CDH22: variants seen among roughly 807,000 people sequenced by gnomAD.
The protein encoded by CDH22 is cadherin-22.
Under a neutral mutation model 58.4 loss-of-function variants are expected in CDH22, and 30 were observed. That is an observed-to-expected ratio of 0.51 (90% CI 0.38 to 0.70). The LOEUF (loss-of-function observed/expected upper bound fraction) is 0.70. Among genes scored for constraint, CDH22 ranks in the 30% least tolerant of loss-of-function variants. CDH22 has a pLI of 0.00. For missense variants in CDH22, 1,014 were observed against 1,233.9 expected (o/e 0.82, Z 2.67); for synonymous variants, 513 against 558.2 (o/e 0.92, Z 1.14).
In CDH22 at chr20:46,200,148, T is replaced by C. The variant is rs1012542071; in HGVS notation, c.1287-589A>G. 5.3e-5 allele frequency among the ~76,000 whole-genome samples: 8 copies of C among 151,338 alleles called. No homozygotes were observed. In the East Asian group the frequency reaches 1.6e-3, roughly 30 times the overall value. ...GCCACCACGCCCGGCTAATTTTTTG[T>C]ATTTTTCAGTAGAGACGGGGTTTCA... On this transcript the variant is annotated intron_variant, in intron 7 of 11. Coordinates refer to ENST00000537909, the MANE Select transcript of CDH22 (RefSeq NM_021248.3).
Position 46,178,285 on chromosome 20 carries a change from T to A in CDH22, c.1664-88A>T. Reference sequence around the variant, plus strand: ...CACCTCCTGATTGCATCGTGAGATTTGCCTCCCTATGCCCCAAACTACAGC... The same window carrying A: ...CACCTCCTGATTGCATCGTGAGATTAGCCTCCCTATGCCCCAAACTACAGC... On this transcript the variant is annotated intron_variant, in intron 10 of 11. Transcript: ENST00000537909. 3 of 1,415,184 alleles carry A rather than the reference T, an allele frequency of 2.1e-6. No homozygotes were observed. In the Admixed American group the frequency reaches 5.6e-5, roughly 27 times the overall value. The allele number at this position is 1,415,184 out of a possible 1,614,324, so 87.7% of individuals were successfully genotyped here.
intron 1 of CDH22, among the ~76,000 whole-genome samples, chr20:46,274,159 T>C (rs1358627690): frequency 6.6e-6 from 1 of 152,236 alleles, no homozygotes; most frequent in East Asian, 1.9e-4. Flanking sequence ...CAGTCATGCC[T>C]GATGCTGATT....
intron 1 of CDH22, among the ~76,000 whole-genome samples, chr20:46,305,642 C>T (rs2086672077): frequency 6.6e-6 from 1 of 152,250 alleles, no homozygotes; most frequent in Non-Finnish European, 1.5e-5. Flanking sequence ...CACTCTCTCT[C>T]ACTCTACCTG....
intron 1 of CDH22, among the ~76,000 whole-genome samples, chr20:46,262,449 C>T (rs2086438065): frequency 6.6e-6 from 1 of 152,160 alleles, no homozygotes; most frequent in African/African-American, 2.4e-5. Context: ...CCGCACAGGT[C>T]TTCATGAAGC....
At chr20:46,253,615 C>T (rs527377954) in intron 1 of CDH22, among the ~76,000 whole-genome samples, 28 of 152,306 alleles carry the variant, frequency 1.8e-4, no homozygotes, top group African/African-American at 6.7e-4. Flanking sequence ...TCCAGGGATC[C>T]GGCTTTGATT....
chr20:46,216,637 T>G lies in CDH22; in HGVS notation c.838+189A>C, dbSNP rs1250700233. On this transcript the variant is annotated intron_variant, in intron 5 of 11. Coordinates refer to ENST00000537909, the MANE Select transcript of CDH22 (RefSeq NM_021248.3). The surrounding 1 kb of genome is among the most constrained non-coding windows in gnomAD (Gnocchi z 5.3). ...CGGACAGCCCTGGGGTCTTCCTTGG[T>G]AGGAAGCATGGTTGGAGGGGGGCTG... 1.3e-5 allele frequency among the ~76,000 whole-genome samples: 2 copies of G among 151,812 alleles called. No individual in the cohort carries two copies. Among genetic ancestry groups the G allele is most frequent in the Non-Finnish European group, 2.9e-5 (2 of 67,884 alleles).
intron 10 of CDH22, among the ~76,000 whole-genome samples, chr20:46,178,710 G>C (rs2085761934): frequency 6.7e-6 from 1 of 148,542 alleles, no homozygotes; most frequent in Non-Finnish European, 1.5e-5. Flanking sequence ...GTGGTTTGTT[G>C]GGCCCTGACA....
In CDH22 at chr20:46,226,282, TCTTCTTC is replaced by T. The variant is rs1278300502; in HGVS notation, c.670+1219_670+1225del. ...TTCTTCTTCTTCTTCTTCTTCTTCT[TCTTCTTC>T]TTCTTTTTTTTTTTGAGACAGGGTC... On this transcript the variant is annotated intron_variant, in intron 4 of 11. Coordinates refer to ENST00000537909, the MANE Select transcript of CDH22 (RefSeq NM_021248.3). Among the ~76,000 whole-genome samples, 15 of 2,612 alleles carry T rather than the reference TCTTCTTC, an allele frequency of 5.7e-3. 1 individual carries two copies. Among genetic ancestry groups the T allele is most frequent in the African/African-American group, 0.024 (12 of 494 alleles). 1.7% of individuals were successfully genotyped at this position (2,612 alleles called of 152,430 possible).
chr20:46,270,263 G>A (rs1423537956), intron 1 of CDH22, among the ~76,000 whole-genome samples: 1 of 152,168 alleles, frequency 6.6e-6, no homozygotes, highest in African/African-American at 2.4e-5. Context: ...GATGGGGAAG[G>A]AGAGAGGGAG....
At chr20:46,186,554 C>G (rs1001016309) in intron 10 of CDH22, 34 bp downstream of exon 10, 4 of 1,474,330 alleles carry the variant, frequency 2.7e-6, no homozygotes. Context: ...GACTGTGCCC[C>G]TCCCTTCTTG....
chr20:46,234,885 A>C (rs974185583), intron 3 of CDH22, among the ~76,000 whole-genome samples: 1 of 152,234 alleles, frequency 6.6e-6, no homozygotes, highest in African/African-American at 2.4e-5. Flanking sequence ...CTACATACCT[A>C]GCAAAGTGCT....
At chr20:46,283,331 T>A (rs1428155022) in intron 1 of CDH22, among the ~76,000 whole-genome samples, 1 of 152,156 alleles carries the variant, frequency 6.6e-6, no homozygotes, top group Non-Finnish European at 1.5e-5. Context: ...CAGACTCAGA[T>A]TCCGATTCCA....
chr20:46,206,213 A>G (rs1263206796), intron 7 of CDH22, among the ~76,000 whole-genome samples: 2 of 152,188 alleles, frequency 1.3e-5, no homozygotes, highest in African/African-American at 4.8e-5. Context: ...CAGGAGTGAA[A>G]TGGCCAAAGG....
intron 7 of CDH22, among the ~76,000 whole-genome samples, chr20:46,204,393 C>CAAAAAA (rs3092239): frequency 2.6e-5 from 2 of 77,278 alleles, no homozygotes; most frequent in African/African-American, 5.4e-5. Flanking sequence ...GACTCTGTCT[C>CAAAAAA]AAAAAAAAAA....
At chr20:46,301,245 A>G (rs1293018114) in intron 1 of CDH22, among the ~76,000 whole-genome samples, 1 of 151,930 alleles carries the variant, frequency 6.6e-6, no homozygotes, top group African/African-American at 2.4e-5. Flanking sequence ...AGAGAGAATC[A>G]CTCTGTATTA....
intron 7 of CDH22, among the ~76,000 whole-genome samples, chr20:46,200,416 C>G (rs924527986): frequency 6.6e-6 from 1 of 151,420 alleles, no homozygotes; most frequent in Non-Finnish European, 1.5e-5. Flanking sequence ...GTAGCTGGGA[C>G]TGCAGGTGCG....
intron 10 of CDH22, among the ~76,000 whole-genome samples, chr20:46,181,745 TTCC>T (rs2085787552): frequency 4.2e-5 from 4 of 95,494 alleles, no homozygotes; most frequent in Non-Finnish European, 6.6e-5. Flanking sequence ...CCTTCCTTCC[TTCC>T]TTCCTTCTTT....
chr20:46,243,392 A>G (rs1185005522), intron 2 of CDH22, among the ~76,000 whole-genome samples: 1 of 152,120 alleles, frequency 6.6e-6, no homozygotes, highest in Non-Finnish European at 1.5e-5. Context: ...AATTGCGGGG[A>G]CTAAATGGAG....
intron 2 of CDH22, among the ~76,000 whole-genome samples, chr20:46,246,733 C>T (rs955984294): frequency 6.6e-6 from 1 of 152,064 alleles, no homozygotes; most frequent in Admixed American, 6.5e-5. Flanking sequence ...AATAGGTTAC[C>T]GTCGGGCGCC....
Sources: gnomAD v4.1 joint callset for allele counts (sites outside exome capture counted in the v4.1 genomes callset) on GRCh38, gnomAD v4.1.1 for gene constraint, Gnocchi (gnomAD v3.1) non-coding constraint, MANE v1.5 for transcripts, NCBI Gene and HGNC (gene_info 2026-07-23, HGNC 2026-07-21) for gene names.